The following RNF135 variants were observed in gnomAD, a reference collection of about 807,000 sequenced individuals.
The protein encoded by RNF135 is ring finger protein 135.
Under a neutral mutation model 41.9 loss-of-function variants are expected in RNF135, and 46 were observed. The ratio of observed to expected loss-of-function variants is 1.10; its 90% CI spans 0.87 to 1.40. The LOEUF (loss-of-function observed/expected upper bound fraction) is 1.40, where lower values mean the gene tolerates loss of function less well. Ranked by LOEUF, RNF135 falls within the 40% of genes most tolerant of loss-of-function variation. The pLI, the probability that RNF135 is intolerant of heterozygous loss-of-function variation, is 0.00. For synonymous variants in RNF135, 238 were observed against 223.8 expected (o/e 1.06, Z -0.57); for missense variants, 539 against 549.8 (o/e 0.98, Z 0.20).
rs550337796 is a variant in RNF135 at position 30,975,382 on chromosome 17, G to C, written c.372+3937G>C. 86 of 758,542 alleles carry C rather than the reference G, an allele frequency of 1.1e-4. No individual in the cohort carries two copies. In the East Asian group the frequency reaches 1.3e-3, roughly 12 times the overall value. 47.0% of individuals were successfully genotyped at this position (758,542 alleles called of 1,614,324 possible). On this transcript the variant is annotated intron_variant, in intron 1 of 4. Coordinates refer to ENST00000328381, the MANE Select transcript of RNF135 (RefSeq NM_032322.4). Reference sequence around the variant, plus strand: ...TGAGCCCAGGCACACATCTGGATTAGAAGATGCCAGGCTCAGAGGATCTTC... The same window carrying C: ...TGAGCCCAGGCACACATCTGGATTACAAGATGCCAGGCTCAGAGGATCTTC...
intron 3 of RNF135, among the ~76,000 whole-genome samples, chr17:30,988,593 A>AT (rs2142717191): frequency 6.6e-6 from 1 of 151,264 alleles, no homozygotes; most frequent in South Asian, 2.1e-4. Context: ...ATGCTGGCTA[A>AT]TTTTTTGTGT....
At position 30,999,548 on chromosome 17, in the gene RNF135, C is replaced by A. The variant is rs1908602320; in HGVS notation, c.*357C>A. ...GATAACCTCTAAGCCATTAGAATAT[C>A]TTGCCTGATAAGAGTGTTTTTGTTT... On this transcript the variant is annotated 3_prime_UTR_variant, in exon 5 of 5. Transcript: ENST00000328381. The A allele has an allele frequency of 3.5e-6, 1 of 285,252 alleles. No homozygotes were observed. The highest frequency in any genetic ancestry group is 2.2e-5 in the African/African-American group (1 of 46,488). 17.7% of individuals were successfully genotyped at this position (285,252 alleles called of 1,614,324 possible).
intron 1 of RNF135, among the ~76,000 whole-genome samples, chr17:30,976,600 C>G (rs1906480593): frequency 6.6e-6 from 1 of 152,162 alleles, no homozygotes; most frequent in African/African-American, 2.4e-5. Context: ...CTCTTTAGCT[C>G]TAATAATACT....
intron 4 of RNF135, among the ~76,000 whole-genome samples, chr17:30,998,274 C>T (rs1275365044): frequency 6.6e-6 from 1 of 152,154 alleles, no homozygotes; most frequent in East Asian, 1.9e-4. Flanking sequence ...TGCAGTGGCT[C>T]ATGCCTGTAA....
intron 1 of RNF135, among the ~76,000 whole-genome samples, chr17:30,984,366 A>G (rs1438397438): frequency 6.6e-6 from 1 of 152,198 alleles, no homozygotes; most frequent in Non-Finnish European, 1.5e-5. Context: ...TCTTTTGCAT[A>G]TAGATATCCA....
At chr17:30,974,909 C>T (rs1273004244) in intron 1 of RNF135, among the ~76,000 whole-genome samples, 3 of 151,960 alleles carry the variant, frequency 2.0e-5, no homozygotes, top group African/African-American at 7.2e-5. Context: ...AACTCTTGAC[C>T]TCAGGTGATC....
chr17:30,981,510 G>A (rs1007006748), intron 1 of RNF135, among the ~76,000 whole-genome samples: 2 of 152,190 alleles, frequency 1.3e-5, no homozygotes, highest in Non-Finnish European at 2.9e-5. Context: ...TGAATTCTCT[G>A]TCTGAAAGGT....
chr17:30,989,453 T>C (rs1432628486), intron 3 of RNF135, among the ~76,000 whole-genome samples: 1 of 152,150 alleles, frequency 6.6e-6, no homozygotes, highest in Non-Finnish European at 1.5e-5. Context: ...TATTAAACAG[T>C]ACCATATAGA....
At chr17:30,967,708 T>C (rs1481247095), upstream of RNF135, among the ~76,000 whole-genome samples, 2 of 151,282 alleles carry the variant, frequency 1.3e-5, no homozygotes, top group Non-Finnish European at 3.0e-5. Flanking sequence ...AAATTTCTTT[T>C]TTTTTTTTTT....
At chr17:30,979,486 G>T (rs1377408503) in intron 1 of RNF135, among the ~76,000 whole-genome samples, 1 of 122,292 alleles carries the variant, frequency 8.2e-6, no homozygotes, top group Non-Finnish European at 1.8e-5. Flanking sequence ...CGGCCGGAAG[G>T]GGGGCTGACC....
intron 4 of RNF135, among the ~76,000 whole-genome samples, chr17:30,998,182 A>T (rs1443138920): frequency 1.3e-5 from 2 of 152,134 alleles, no homozygotes; most frequent in African/African-American, 4.8e-5. Flanking sequence ...AAGTGCTGGG[A>T]TTACAGGGGT....
Position 30,999,296 on chromosome 17 carries a change from T to G in RNF135, c.*105T>G. The G allele has an allele frequency of 7.9e-7, 1 of 1,271,712 alleles. No individual in the cohort carries two copies. The highest frequency in any genetic ancestry group is 1.1e-6 in the Non-Finnish European group (1 of 901,040). 78.8% of individuals were successfully genotyped at this position (1,271,712 alleles called of 1,614,324 possible). A position where few individuals can be genotyped will look rare whatever the true frequency, so the allele number is the denominator to read the frequency against. ...ATACCACTTTTTAGAAAAATTACGATAGAGATGGGATCTCACTAGGTTGCC... is the reference window on the plus strand; with the variant it reads ...ATACCACTTTTTAGAAAAATTACGAGAGAGATGGGATCTCACTAGGTTGCC... On this transcript the variant is annotated 3_prime_UTR_variant, in exon 5 of 5. Transcript: ENST00000328381.
At chr17:30,991,515 C>G (rs1199146590) in intron 3 of RNF135, among the ~76,000 whole-genome samples, 1 of 150,702 alleles carries the variant, frequency 6.6e-6, no homozygotes, top group Admixed American at 6.7e-5. Flanking sequence ...CTCCCAGGTT[C>G]AAGTGATTCT....
At chr17:30,979,961 A>G (rs1598085867) in intron 1 of RNF135, among the ~76,000 whole-genome samples, 1 of 88,136 alleles carries the variant, frequency 1.1e-5, no homozygotes, top group Admixed American at 1.1e-4. Flanking sequence ...CACCTCCCGG[A>G]CGGGGCGGCT....
At chr17:30,994,610 T>G (rs565887394) in intron 3 of RNF135, among the ~76,000 whole-genome samples, 1 of 152,010 alleles carries the variant, frequency 6.6e-6, no homozygotes, top group South Asian at 2.1e-4. Context: ...CTCCAGATCA[T>G]TTTCTTTTTT....
At chr17:30,970,953 A>AGGAG (rs1905840689), upstream of RNF135, 1 of 1,363,828 alleles carries the variant, frequency 7.3e-7, no homozygotes, top group Non-Finnish European at 1.0e-6. Context: ...GCGCCAAGGA[A>AGGAG]GGAGGAGAAA....
chr17:30,968,072 C>G (rs1046196397), upstream of RNF135, among the ~76,000 whole-genome samples: 8 of 151,910 alleles, frequency 5.3e-5, no homozygotes, highest in African/African-American at 1.9e-4. Flanking sequence ...GAGTTCGAGA[C>G]AAGCCTGGCC....
upstream of RNF135, chr17:30,970,907 C>CT (rs1436183436): frequency 2.1e-6 from 2 of 968,518 alleles, no homozygotes; most frequent in Non-Finnish European, 1.5e-6. Context: ...GGCTCTAAGT[C>CT]TGTTTTCAGC....
At chr17:30,982,700 C>T (rs1219155655) in intron 1 of RNF135, among the ~76,000 whole-genome samples, 1 of 152,084 alleles carries the variant, frequency 6.6e-6, no homozygotes, top group Non-Finnish European at 1.5e-5. Context: ...CCCTCTCCAC[C>T]CTTAAGTCTT....
Sources: gnomAD v4.1 joint callset for allele counts (sites outside exome capture counted in the v4.1 genomes callset) on GRCh38, gnomAD v4.1.1 for gene constraint, MANE v1.5 for transcripts, NCBI Gene and HGNC (gene_info 2026-07-23, HGNC 2026-07-21) for gene names.